Variants in KDELR1 observed in about 807,000 individuals in gnomAD.
KDELR1 encodes ER lumen protein-retaining receptor 1.
A neutral mutation model predicts 25.5 loss-of-function variants in KDELR1; 16 were observed. The ratio of observed to expected loss-of-function variants is 0.63; its 90% CI spans 0.43 to 0.95. The LOEUF (loss-of-function observed/expected upper bound fraction) is 0.95, where lower values mean the gene tolerates loss of function less well. Among genes scored for constraint, KDELR1 ranks in the 40% least tolerant of loss-of-function variants. KDELR1 has a pLI of 0.00. For missense variants in KDELR1, 159 were observed against 265.2 expected, an observed-to-expected ratio of 0.60 and a Z score of 2.78; for synonymous variants, 121 against 115.0, an observed-to-expected ratio of 1.05 and a Z score of -0.33.
At chr19:48,397,112 C>G in the KDELR1 span, among the ~76,000 whole-genome samples, 1 of 151,446 alleles carries the variant, frequency 6.6e-6, no homozygotes, top group Non-Finnish European at 1.5e-5. Flanking sequence ...CCACCCAGCT[C>G]TCCACAGCTG....
upstream of KDELR1, among the ~76,000 whole-genome samples, chr19:48,394,366 G>A (rs544257448): frequency 1.3e-4 from 19 of 149,726 alleles, no homozygotes; most frequent in East Asian, 2.6e-3. The surrounding 1 kb of genome is among the most constrained non-coding windows in gnomAD (Gnocchi z 5.1). Flanking sequence ...AGTTCCCCAA[G>A]CAGGCAATCT....
upstream of KDELR1, among the ~76,000 whole-genome samples, chr19:48,395,554 G>C (rs777245371): frequency 2.0e-5 from 3 of 152,006 alleles, no homozygotes; most frequent in South Asian, 4.2e-4. Context: ...AGCACAACTC[G>C]AGGTTGTGGG....
chr19:48,391,821 C>G (rs1014350495), upstream of KDELR1, among the ~76,000 whole-genome samples: 4 of 152,144 alleles, frequency 2.6e-5, no homozygotes, highest in Admixed American at 2.6e-4. Flanking sequence ...TAGAGACTGC[C>G]CTCTGAGCTT....
At chr19:48,386,819 C>T (rs542374844) in intron 3 of KDELR1, among the ~76,000 whole-genome samples, 1 of 152,132 alleles carries the variant, frequency 6.6e-6, no homozygotes, top group East Asian at 2.0e-4. Flanking sequence ...GTAATCCCAG[C>T]ACTTTGGAAG....
rs1970469614 is a variant in KDELR1 at position 48,383,167 on chromosome 19, G to A, written c.*126C>T. On this transcript the variant is annotated 3_prime_UTR_variant, in exon 5 of 5. Transcript: ENST00000330720. ...ACTGTCCCCCTGAAACCCGGCAGGA[G>A]GCGGGATGGGGAGCACAAGAGGTGG... The A allele has an allele frequency of 4.1e-6, 4 of 978,610 alleles. No homozygotes were observed. The highest frequency in any genetic ancestry group is 2.1e-5 in the Admixed American group (1 of 48,446). 60.6% of individuals were successfully genotyped at this position (978,610 alleles called of 1,614,324 possible).
rs199580647 is a variant in KDELR1, at chr19:48,384,372, C to A, written c.462G>T (p.Ala154=). ...GATAGAGCGTGCGGTAAACGCCTAGCGCAAACAAGTAGTGGCTGGTGATGG... is the reference window on the plus strand; with the variant it reads ...GATAGAGCGTGCGGTAAACGCCTAGAGCAAACAAGTAGTGGCTGGTGATGG... The part of the protein sequence containing the change: ...AETITSHYLF[A]LGVYRTLYLF... Residue 154 remains alanine (A), a synonymous_variant, in exon 4 of 5, where the codon GCG becomes GCT. Transcript: ENST00000330720. The surrounding 1 kb of genome is among the most constrained non-coding windows in gnomAD (Gnocchi z 4.6). 6.2e-7 allele frequency: 1 copy of A among 1,614,186 alleles called. No individual in the cohort carries two copies. The highest frequency in any genetic ancestry group is 1.7e-5 in the Admixed American group (1 of 60,020).
intron 3 of KDELR1, among the ~76,000 whole-genome samples, chr19:48,388,710 G>A (rs1970514797): frequency 1.0e-5 from 1 of 98,200 alleles, no homozygotes; most frequent in Non-Finnish European, 2.0e-5. Context: ...AGAAAGAAAG[G>A]AAGAAAAGGA....
At chr19:48,397,155 T>A in the KDELR1 span, among the ~76,000 whole-genome samples, 1 of 141,876 alleles carries the variant, frequency 7.0e-6, no homozygotes, top group South Asian at 2.6e-4. Flanking sequence ...GATGGGGCCA[T>A]GACTCCCTTG....
chr19:48,385,871 C>G (rs968422554), intron 3 of KDELR1, among the ~76,000 whole-genome samples: 5 of 152,210 alleles, frequency 3.3e-5, no homozygotes, highest in Non-Finnish European at 7.3e-5. Flanking sequence ...TCCCATTCTA[C>G]AGATGAGGAA....
chr19:48,393,455 A>G (rs1970586684), upstream of KDELR1, among the ~76,000 whole-genome samples: 1 of 152,046 alleles, frequency 6.6e-6, no homozygotes, highest in Non-Finnish European at 1.5e-5. The surrounding 1 kb of genome is among the most constrained non-coding windows in gnomAD (Gnocchi z 5.6). Context: ...CCGGGTTCTG[A>G]GTCCCTGCCT....
upstream of KDELR1, among the ~76,000 whole-genome samples, chr19:48,395,264 C>G (rs11669143): frequency 0.016 from 2,481 of 151,860 alleles, 30 homozygotes; most frequent in Non-Finnish European, 0.026. Context: ...CCCTGTACCC[C>G]CCTCCCTGCA....
At chr19:48,396,236 C>T (rs912871361), upstream of KDELR1, among the ~76,000 whole-genome samples, 1 of 151,824 alleles carries the variant, frequency 6.6e-6, no homozygotes, top group Non-Finnish European at 1.5e-5. Context: ...GGCGTGGGTT[C>T]TGGGGGTTGG....
chr19:48,390,787 C>T (rs1017646218), intron 1 of KDELR1: 181 of 494,126 alleles, frequency 3.7e-4, no homozygotes, highest in Admixed American at 1.3e-3. Flanking sequence ...GAAGCTACTC[C>T]AGCCCGAGGC....
intron 3 of KDELR1, chr19:48,387,757 G>T (rs949482747): frequency 2.0e-5 from 3 of 151,724 alleles, no homozygotes; most frequent in African/African-American, 7.3e-5. Flanking sequence ...CATCTTGCCT[G>T]AAAACTCCTG....
chr19:48,396,759 G>A, the KDELR1 span, among the ~76,000 whole-genome samples: 1 of 152,024 alleles, frequency 6.6e-6, no homozygotes, highest in Non-Finnish European at 1.5e-5. Context: ...GCAGGGGAGG[G>A]GTGGTGGACC....
At chr19:48,388,447 AG>A (rs1287958508) in intron 3 of KDELR1, among the ~76,000 whole-genome samples, 2 of 152,254 alleles carry the variant, frequency 1.3e-5, no homozygotes, top group Non-Finnish European at 1.5e-5. Context: ...GCACTTTGGG[AG>A]GCTGAGGAGA....
At chr19:48,390,344 C>T in intron 2 of KDELR1, 80 bp downstream of exon 2, 1 of 1,049,088 alleles carries the variant, frequency 9.5e-7, no homozygotes, top group Non-Finnish European at 1.5e-6. Flanking sequence ...AGCCCCTCCT[C>T]CCTCAGACCT....
At chr19:48,396,023 C>T (rs1251933207), upstream of KDELR1, among the ~76,000 whole-genome samples, 3 of 151,974 alleles carry the variant, frequency 2.0e-5, no homozygotes, top group Non-Finnish European at 2.9e-5. Flanking sequence ...TGGGTCTTTA[C>T]GGGAGGAGGT....
the KDELR1 span, among the ~76,000 whole-genome samples, chr19:48,397,049 C>T: frequency 0.013 from 1,904 of 152,216 alleles, 41 homozygotes; most frequent in African/African-American, 0.044. Context: ...GCTGTATTTC[C>T]TCTAATTTAC....
Sources: allele counts gnomAD v4.1 joint callset (sites outside exome capture counted in the v4.1 genomes callset), GRCh38; gene constraint gnomAD v4.1.1; non-coding constraint Gnocchi (gnomAD v3.1); transcripts MANE v1.5; gene names NCBI Gene and HGNC (gene_info 2026-07-23, HGNC 2026-07-21).